LMF1: variants seen among roughly 807,000 people sequenced by gnomAD.
LMF1 encodes transmembrane protein 112.
A neutral mutation model predicts 60.6 loss-of-function variants in LMF1; 68 were observed. The observed-to-expected ratio is 1.12, with a 90% CI of 0.92 to 1.37. LMF1 has a LOEUF of 1.37. Among genes scored for constraint, LMF1 ranks in the 40% most tolerant of loss-of-function variants. The probability of loss-of-function intolerance (pLI) is 0.00; values close to 1 mark genes in which losing one functional copy is unlikely to be tolerated. For synonymous variants in LMF1, 418 were observed against 324.7 expected (o/e 1.29, Z -3.09); for missense variants, 948 against 767.2 (o/e 1.24, Z -2.78).
intron 1 of LMF1, chr16:979,294 C>T (rs2073268506): frequency 5.6e-6 from 2 of 359,784 alleles, no homozygotes; most frequent in South Asian, 4.1e-5. Context: ...GGTTTGTGGG[C>T]ACCACTCTGC....
intron 5 of LMF1, among the ~76,000 whole-genome samples, chr16:880,677 G>A (rs1354184177): frequency 7.2e-5 from 11 of 152,196 alleles, no homozygotes; most frequent in Non-Finnish European, 7.3e-5. Context: ...TCAGACAGTC[G>A]ATCCATCAAT....
chr16:869,312 A>G (rs1255292192), intron 9 of LMF1: 4 of 673,136 alleles, frequency 5.9e-6, no homozygotes, highest in South Asian at 4.5e-5. Context: ...CCACCCCAGC[A>G]CCCTCTGTCT....
chr16:882,318 C>T (rs1302540131), intron 5 of LMF1, among the ~76,000 whole-genome samples: 2 of 152,270 alleles, frequency 1.3e-5, no homozygotes, highest in South Asian at 2.1e-4. Flanking sequence ...GAATCCCAGC[C>T]GACCTTGGGA....
intron 1 of LMF1, among the ~76,000 whole-genome samples, chr16:977,991 C>CACAT (rs56813960): frequency 0.49 from 64,296 of 130,068 alleles, 17,375 homozygotes; most frequent in African/African-American, 0.72. Context: ...CACACATACA[C>CACAT]GCACACACAC....
At chr16:918,039 G>A (rs1477500670) in intron 3 of LMF1, among the ~76,000 whole-genome samples, 3 of 152,240 alleles carry the variant, frequency 2.0e-5, no homozygotes, top group Non-Finnish European at 4.4e-5. Context: ...CGTGGCGCGG[G>A]GCGGCTGGCT....
chr16:860,005 C>T lies in LMF1; in HGVS notation c.1530-5299G>A, dbSNP rs1002460435. 3.3e-5 allele frequency among the ~76,000 whole-genome samples: 5 copies of T among 151,958 alleles called. 1 individual carries two copies. The highest frequency in any genetic ancestry group is 1.5e-5 in the Non-Finnish European group (1 of 68,008). On this transcript the variant is annotated intron_variant, in intron 10 of 10. Coordinates refer to ENST00000262301, the MANE Select transcript of LMF1 (RefSeq NM_022773.4). ...AGTGGTGTTATGGTGGTTTTTGCTT[C>T]TCTAATGACAGGCATTTCTCCTGAG...
intron 6 of LMF1, among the ~76,000 whole-genome samples, chr16:877,862 C>G (rs536387971): frequency 2.0e-4 from 31 of 152,276 alleles, no homozygotes; most frequent in African/African-American, 7.5e-4. Context: ...TGAGAAAGGT[C>G]AAGGTCACCA....
At chr16:977,144 G>A (rs902321117) in intron 1 of LMF1, 1 of 452,916 alleles carries the variant, frequency 2.2e-6, no homozygotes, top group African/African-American at 2.0e-5. Flanking sequence ...TGCCCTGTGA[G>A]CGCCAGGAAG....
rs749647212 is a variant in LMF1 at position 874,122 on chromosome 16, G to A, written c.898-2781C>T. On this transcript the variant is annotated intron_variant, in intron 6 of 10. Transcript: ENST00000262301. The surrounding 1 kb of genome is among the most constrained non-coding windows in gnomAD (Gnocchi z 4.1). ...CAGGCGGAGGCGGCGGTTGCATCAC[G>A]CTGTGAACGTGCTGGAGGCCCCCGA... Among the ~76,000 whole-genome samples the A allele has an allele frequency of 3.2e-4, 48 of 152,268 alleles. No homozygotes were observed. The highest frequency in any genetic ancestry group is 5.7e-4 in the Non-Finnish European group (39 of 68,020).
At chr16:894,870 C>T (rs577431937) in intron 4 of LMF1, among the ~76,000 whole-genome samples, 2 of 152,210 alleles carry the variant, frequency 1.3e-5, no homozygotes, top group Admixed American at 6.5e-5. Flanking sequence ...GGTTTCCACA[C>T]GAAATGGAAT....
chr16:894,023 ACCGGGCCG>A (rs2070578532), intron 4 of LMF1, among the ~76,000 whole-genome samples: 1 of 99,452 alleles, frequency 1.0e-5, no homozygotes, highest in African/African-American at 3.9e-5. Flanking sequence ...CCCCCTGTCC[ACCGGGCCG>A]TCTGCCCACT....
intron 2 of LMF1, among the ~76,000 whole-genome samples, chr16:949,780 TGACAGAGTCAGAGCCAAC>T (rs1567299932): frequency 1.2e-5 from 1 of 80,318 alleles, no homozygotes; most frequent in African/African-American, 7.3e-5. Context: ...AGTCAGCCAA[TGACAGAGTCAGAGCCAAC>T]GACAGAGTCA....
At chr16:885,675 G>T (rs2070286525) in intron 5 of LMF1, among the ~76,000 whole-genome samples, 1 of 152,236 alleles carries the variant, frequency 6.6e-6, no homozygotes, top group African/African-American at 2.4e-5. Flanking sequence ...CAGGAGGTCA[G>T]AAGACTCTCA....
intron 5 of LMF1, among the ~76,000 whole-genome samples, chr16:891,699 G>A (rs927655185): frequency 1.3e-5 from 2 of 152,188 alleles, no homozygotes; most frequent in African/African-American, 4.8e-5. Flanking sequence ...CCACTTTTCT[G>A]ACCTGTCCTG....
In LMF1 at chr16:893,933, G is replaced by A. The variant is rs572339636; in HGVS notation, c.664-861C>T. 9.2e-5 allele frequency among the ~76,000 whole-genome samples: 14 copies of A among 152,056 alleles called. No homozygotes were observed. In the South Asian group the frequency reaches 2.7e-3, roughly 29 times the overall value. On this transcript the variant is annotated intron_variant, in intron 4 of 10. Coordinates refer to ENST00000262301, the MANE Select transcript of LMF1 (RefSeq NM_022773.4). Reference sequence around the variant, plus strand: ...AGTGAGTCCCGCCTCCTCCATGACAGGGGTTTCTGCTGCACAACCACTCCC... The same window carrying A: ...AGTGAGTCCCGCCTCCTCCATGACAAGGGTTTCTGCTGCACAACCACTCCC...
chr16:956,329 G>C (rs1597075540), intron 1 of LMF1, among the ~76,000 whole-genome samples: 1 of 152,022 alleles, frequency 6.6e-6, no homozygotes, highest in East Asian at 1.9e-4. Context: ...AGTATTTGTA[G>C]AACACTGAAT....
rs749679360 is a variant in LMF1 at position 854,465 on chromosome 16, G to A, written c.*67C>T. ...TGGCGATGCCCAGCTTGGGCTGGGC[G>A]CAGGGAAGGGCAAACGTTGCTGAGC... On this transcript the variant is annotated 3_prime_UTR_variant, in exon 11 of 11. Transcript: ENST00000262301. The A allele has an allele frequency of 1.3e-4, 190 of 1,469,184 alleles. No homozygotes were observed. The highest frequency in any genetic ancestry group is 2.0e-4 in the Middle Eastern group (1 of 5,090). 91.0% of individuals were successfully genotyped at this position (1,469,184 alleles called of 1,614,324 possible).
chr16:934,237 C>T lies in LMF1; in HGVS notation c.514+7G>A. 6.3e-7 allele frequency: 1 copy of T among 1,599,392 alleles called. No homozygotes were observed. Among genetic ancestry groups the T allele is most frequent in the Non-Finnish European group, 8.5e-7 (1 of 1,179,796 alleles). The stretch of plus-strand genomic sequence containing the variant: ...CGCAGAGCTTTCTCTAAATGCATCT[C>T]ACTTACCGAAAGAGTACCTGAAAAA... On this transcript the variant is annotated splice_region_variant and intron_variant, in intron 3 of 10. Coordinates refer to ENST00000262301, the MANE Select transcript of LMF1 (RefSeq NM_022773.4).
intron 10 of LMF1, among the ~76,000 whole-genome samples, chr16:863,907 G>GA (rs1596845391): frequency 1.3e-5 from 2 of 152,338 alleles, no homozygotes. Flanking sequence ...CTACATCCCA[G>GA]AAAATGTGAC....
Sources: allele counts gnomAD v4.1 joint callset (sites outside exome capture counted in the v4.1 genomes callset), GRCh38; gene constraint gnomAD v4.1.1; non-coding constraint Gnocchi (gnomAD v3.1); transcripts MANE v1.5; gene names NCBI Gene and HGNC (gene_info 2026-07-23, HGNC 2026-07-21).